The following EYS variants were observed in gnomAD, a reference collection of about 807,000 sequenced individuals.
EYS encodes EGF-like photoreceptor maintenance factor.
In EYS, 250 loss-of-function variants were observed where a neutral mutation model predicts 282.1. That is an observed-to-expected ratio of 0.89 (90% CI 0.80 to 0.98). The LOEUF is 0.98. Among genes scored for constraint, EYS ranks in the 50% least tolerant of loss-of-function variants. EYS has a pLI of 0.00. For missense variants in EYS, 4,016 were observed against 3,709.0 expected (o/e 1.08, Z -2.15); for synonymous variants, 1,355 against 1,282.9 (o/e 1.06, Z -1.20).
At chr6:63,912,162 T>A (rs1358747624) in intron 35 of EYS, among the ~76,000 whole-genome samples, 1 of 152,202 alleles carries the variant, frequency 6.6e-6, no homozygotes, top group Non-Finnish European at 1.5e-5. Context: ...GCTTTGCATT[T>A]TCTATTTCTT....
chr6:65,474,228 G>A (rs1483419655), intron 5 of EYS, among the ~76,000 whole-genome samples: 1 of 152,088 alleles, frequency 6.6e-6, no homozygotes, highest in Non-Finnish European at 1.5e-5. Context: ...AAATGCAACT[G>A]TTAGCTTAGA....
chr6:64,202,462 TAATA>T (rs1765487471), intron 31 of EYS, among the ~76,000 whole-genome samples: 4 of 151,804 alleles, frequency 2.6e-5, no homozygotes, highest in South Asian at 2.1e-4. Context: ...TTTTACTTAA[TAATA>T]AATAAAACTT....
At chr6:65,507,448 A>G (rs1482315695) in intron 2 of EYS, among the ~76,000 whole-genome samples, 3 of 152,006 alleles carry the variant, frequency 2.0e-5, no homozygotes, top group Admixed American at 6.6e-5. Flanking sequence ...GTGTTCTCTC[A>G]ACTTCCAGGA....
intron 35 of EYS, among the ~76,000 whole-genome samples, chr6:63,919,312 CTTTTTTTTTTT>C (rs562177760): frequency 4.1e-5 from 2 of 49,364 alleles, no homozygotes; most frequent in African/African-American, 1.7e-4. Context: ...AGGGAACAGA[CTTTTTTTTTTT>C]TTTTTTTTTT....
intron 24 of EYS, among the ~76,000 whole-genome samples, chr6:64,617,160 C>T (rs2149849140): frequency 6.6e-6 from 1 of 152,230 alleles, no homozygotes; most frequent in African/African-American, 2.4e-5. Context: ...AAGGCCAATA[C>T]ATTAAGTCAC....
intron 2 of EYS, among the ~76,000 whole-genome samples, chr6:65,498,818 G>T (rs1766347078): frequency 6.6e-6 from 1 of 152,062 alleles, no homozygotes; most frequent in Non-Finnish European, 1.5e-5. Context: ...GATGTTATGT[G>T]TCTCAGTTTT....
At chr6:65,600,216 T>C (rs1765569707) in intron 2 of EYS, among the ~76,000 whole-genome samples, 3 of 152,160 alleles carry the variant, frequency 2.0e-5, no homozygotes, top group African/African-American at 4.8e-5. Flanking sequence ...CTGAGTCCTA[T>C]TGTAACTCTG....
At chr6:65,024,925 G>A (rs116606878) in intron 13 of EYS, among the ~76,000 whole-genome samples, 4,933 of 151,978 alleles carry the variant, frequency 0.032, 105 homozygotes, top group Non-Finnish European at 0.05. Flanking sequence ...CCACAACTAG[G>A]GTGATTAAGG....
intron 33 of EYS, among the ~76,000 whole-genome samples, chr6:64,015,148 T>A (rs1489869539): frequency 6.6e-6 from 1 of 152,122 alleles, no homozygotes; most frequent in African/African-American, 2.4e-5. Flanking sequence ...ATGAAAAAAA[T>A]TGCTTTGTTT....
At chr6:65,118,926 T>C (rs1441591839) in intron 12 of EYS, among the ~76,000 whole-genome samples, 1 of 151,222 alleles carries the variant, frequency 6.6e-6, no homozygotes, top group Admixed American at 6.6e-5. Context: ...AATCAAGTTG[T>C]CATTGAGATA....
chr6:65,315,908 T>G (rs571210322), intron 11 of EYS, among the ~76,000 whole-genome samples: 1 of 149,858 alleles, frequency 6.7e-6, no homozygotes, highest in South Asian at 2.1e-4. Context: ...TACATATCCA[T>G]GTCAGCAGTT....
Position 64,822,788 on chromosome 6 carries a change from T to G in EYS, c.3027A>C (p.Leu1009=), listed in dbSNP as rs900271990. The G allele has an allele frequency of 1.3e-6, 2 of 1,549,988 alleles. No homozygotes were observed. Among genetic ancestry groups the G allele is most frequent in the Non-Finnish European group, 1.7e-6 (2 of 1,145,898 alleles). ...INCEINLDEC[L]SEPCLHDGVC... Reference sequence around the variant, plus strand: ...CTCCATCATGGAGACAGGGCTCTGATAGGCATTCATCTAGATTTATTTCAC... The same window carrying G: ...CTCCATCATGGAGACAGGGCTCTGAGAGGCATTCATCTAGATTTATTTCAC... The change falls in exon 20 of 43, where the codon CTA becomes CTC. Residue 1009 remains leucine (L), a synonymous_variant. Transcript: ENST00000503581.
At chr6:63,902,781 T>A (rs187511625) in intron 35 of EYS, among the ~76,000 whole-genome samples, 279 of 131,484 alleles carry the variant, frequency 2.1e-3, no homozygotes, top group Non-Finnish European at 2.9e-3. Context: ...ATATTGACTG[T>A]AGAATAAGGC....
chr6:65,674,688 TTGAGGTAGTTTATAA>T (rs766111595), intron 1 of EYS, among the ~76,000 whole-genome samples: 129 of 151,956 alleles, frequency 8.5e-4, no homozygotes, highest in Admixed American at 3.6e-3. Context: ...TTAACAAAAG[TTGAGGTAGTTTATAA>T]TTATACTTGC....
intron 14 of EYS, among the ~76,000 whole-genome samples, chr6:64,974,677 A>T (rs948275029): frequency 7.9e-5 from 12 of 151,974 alleles, no homozygotes; most frequent in Non-Finnish European, 1.5e-4. Context: ...TACACTGTCA[A>T]TGGCATTATT....
intron 26 of EYS, among the ~76,000 whole-genome samples, chr6:64,547,197 G>C (rs1216278593): frequency 6.6e-6 from 1 of 152,136 alleles, no homozygotes; most frequent in African/African-American, 2.4e-5. Flanking sequence ...AAGAGTGAAA[G>C]AACAAAGCTT....
chr6:65,621,067 G>C (rs1157450167), intron 2 of EYS, among the ~76,000 whole-genome samples: 1 of 152,130 alleles, frequency 6.6e-6, no homozygotes, highest in African/African-American at 2.4e-5. Flanking sequence ...TATCTATTAG[G>C]TCTGCTTGGT....
At chr6:64,368,408 G>C (rs1447768778) in intron 29 of EYS, among the ~76,000 whole-genome samples, 1 of 152,038 alleles carries the variant, frequency 6.6e-6, no homozygotes, top group Non-Finnish European at 1.5e-5. Flanking sequence ...AAACATATGT[G>C]CACGTGTCTT....
At chr6:64,742,496 G>A (rs1469032136) in intron 22 of EYS, among the ~76,000 whole-genome samples, 11 of 152,122 alleles carry the variant, frequency 7.2e-5, no homozygotes, top group Admixed American at 7.2e-4. Context: ...TAAATACTTC[G>A]CTATCTTGAA....
Sources: gnomAD v4.1 joint callset for allele counts (sites outside exome capture counted in the v4.1 genomes callset) on GRCh38, gnomAD v4.1.1 for gene constraint, MANE v1.5 for transcripts, NCBI Gene and HGNC (gene_info 2026-07-23, HGNC 2026-07-21) for gene names.